CCDC12: variants seen among roughly 807,000 people sequenced by gnomAD.
CCDC12 encodes coiled-coil domain containing 12.
CCDC12 carries 28 observed loss-of-function variants against 25.7 expected under a neutral mutation model. The ratio of observed to expected loss-of-function variants is 1.09; its 90% confidence interval spans 0.81 to 1.50. The LOEUF (loss-of-function observed/expected upper bound fraction) is 1.50, where lower values mean the gene tolerates loss of function less well. Among genes scored for constraint, CCDC12 ranks in the 40% most tolerant of loss-of-function variants. The probability of loss-of-function intolerance (pLI) is 0.00; values close to 1 mark genes in which losing one functional copy is unlikely to be tolerated. For missense variants in CCDC12, 198 were observed against 210.0 expected, an observed-to-expected ratio of 0.94 and a Z score of 0.35; for synonymous variants, 75 against 87.7, an observed-to-expected ratio of 0.86 and a Z score of 0.81.
In CCDC12 at chr3:46,957,982, CACACACACACACACAT is replaced by C. The variant is rs1408800378; in HGVS notation, c.97-16933_97-16918del. Among the ~76,000 whole-genome samples, 6 of 142,746 alleles carry C rather than the reference CACACACACACACACAT, an allele frequency of 4.2e-5. 1 individual carries two copies. Among genetic ancestry groups the C allele is most frequent in the African/African-American group, 1.6e-4 (6 of 38,488 alleles). The allele number at this position is 142,746 out of a possible 152,430, so 93.6% of individuals were successfully genotyped here. A position where few individuals can be genotyped will look rare whatever the true frequency, so the allele number is the denominator to read the frequency against. The stretch of plus-strand genomic sequence containing the variant: ...AAATACACACACACACACACACACA[CACACACACACACACAT>C]ATATATGTAAAGCTAATAGAACCAG... On this transcript the variant is annotated intron_variant, in intron 1 of 6. Coordinates refer to ENST00000683445, the MANE Select transcript of CCDC12 (RefSeq NM_001277074.2).
intron 1 of CCDC12, chr3:46,976,328 C>T (rs2034987562): frequency 7.8e-7 from 1 of 1,281,956 alleles, no homozygotes; most frequent in Admixed American, 3.6e-5. Flanking sequence ...AGCATCTGAA[C>T]CTACAGGCAG....
chr3:46,965,689 G>C (rs532777419), intron 1 of CCDC12, among the ~76,000 whole-genome samples: 3 of 152,186 alleles, frequency 2.0e-5, no homozygotes, highest in African/African-American at 2.4e-5. Flanking sequence ...AACTTGGCCA[G>C]GAGGCGGTGG....
intron 1 of CCDC12, among the ~76,000 whole-genome samples, chr3:46,966,979 C>A (rs191691908): frequency 6.6e-6 from 1 of 152,112 alleles, no homozygotes; most frequent in African/African-American, 2.4e-5. Context: ...ACCTGCAGAG[C>A]GAGCCTCAGG....
At chr3:46,941,272 A>G (rs4682843) in intron 1 of CCDC12, among the ~76,000 whole-genome samples, 144,173 of 152,268 alleles carry the variant, frequency 0.95, 68,802 homozygotes, top group East Asian at 1. Flanking sequence ...TTAAAAATCC[A>G]TAACTCTTGG....
intron 1 of CCDC12, among the ~76,000 whole-genome samples, chr3:46,957,575 T>A (rs2034329373): frequency 2.6e-5 from 4 of 152,168 alleles, no homozygotes; most frequent in Admixed American, 2.0e-4. Flanking sequence ...AACAACGAAG[T>A]GTGTGGCAGG....
intron 1 of CCDC12, among the ~76,000 whole-genome samples, chr3:46,943,051 A>C (rs2033771460): frequency 6.6e-6 from 1 of 152,186 alleles, no homozygotes; most frequent in African/African-American, 2.4e-5. Context: ...TTCTTAAGCA[A>C]TGGAGAAACC....
intron 2 of CCDC12, among the ~76,000 whole-genome samples, chr3:46,930,056 A>AG (rs2033145277): frequency 6.6e-6 from 1 of 150,862 alleles, no homozygotes; most frequent in Non-Finnish European, 1.5e-5. Context: ...AAAAAAAAAA[A>AG]AGAGATGGGG....
Position 46,976,683 on chromosome 3 carries a change from C to T in CCDC12, c.50G>A (p.Arg17Gln). Residue 17 changes from arginine (R) to glutamine (Q), a missense_variant, in exon 1 of 7, where the codon CGG becomes CAG. Arg to Gln is a conservative substitution (Grantham distance 43). Transcript: ENST00000683445. ...TAGGGCCTTCAGCCGTTCCTTTCGC[C>T]GCAACGCCTCTTCCTCTAGCCGGCC... ...GVGRLEEEAL[R>Q]RKERLKALRE... The T allele has an allele frequency of 1.2e-6, 2 of 1,609,142 alleles. No homozygotes were observed. The highest frequency in any genetic ancestry group is 2.7e-5 in the African/African-American group (2 of 74,890).
chr3:46,925,097 C>G (rs2107102941), intron 3 of CCDC12: 1 of 412,186 alleles, frequency 2.4e-6, no homozygotes, highest in Non-Finnish European at 4.8e-6. Flanking sequence ...CCAGGGCCCA[C>G]AGGACCCATC....
At chr3:46,979,831 G>A (rs1402802131), upstream of CCDC12, 3 of 418,846 alleles carry the variant, frequency 7.2e-6, no homozygotes, top group Non-Finnish European at 1.3e-5. Context: ...GCGACAGGTG[G>A]CGCGCAGCAG....
intron 1 of CCDC12, among the ~76,000 whole-genome samples, chr3:46,943,878 A>G (rs1437896490): frequency 6.6e-6 from 1 of 152,254 alleles, no homozygotes; most frequent in Non-Finnish European, 1.5e-5. Context: ...CTGTGGCAGG[A>G]GCAGGTGAAC....
At chr3:46,942,980 T>C (rs11920146) in intron 1 of CCDC12, among the ~76,000 whole-genome samples, 13 of 151,634 alleles carry the variant, frequency 8.6e-5, no homozygotes, top group African/African-American at 3.2e-4. Flanking sequence ...GGGGTGACAA[T>C]GATTGCCAGG....
At chr3:46,971,419 T>C (rs2034798525) in intron 1 of CCDC12, among the ~76,000 whole-genome samples, 1 of 152,236 alleles carries the variant, frequency 6.6e-6, no homozygotes, top group African/African-American at 2.4e-5. Flanking sequence ...CTCCTCAGCC[T>C]TGGACATCCC....
upstream of CCDC12, among the ~76,000 whole-genome samples, chr3:46,977,493 A>G (rs955534975): frequency 9.6e-6 from 1 of 104,274 alleles, no homozygotes; most frequent in Non-Finnish European, 2.1e-5. Flanking sequence ...AAAAAAAAAA[A>G]AAGCCTTCCC....
At position 46,925,265 on chromosome 3, in the gene CCDC12, T is replaced by C. The variant is rs867325354; in HGVS notation, c.244+191A>G. On this transcript the variant is annotated intron_variant, in intron 3 of 6. Coordinates refer to ENST00000683445, the MANE Select transcript of CCDC12 (RefSeq NM_001277074.2). ...GAGAAGGCACAAGAGGACTCTTCAG[T>C]GCCCCGACAGCCTCTGCTGCTGCCG... is the stretch of plus-strand genomic sequence containing the variant. The C allele has an allele frequency of 3.7e-5, 26 of 705,858 alleles. 2 individuals are homozygous for C. In the Middle Eastern group the frequency reaches 5.7e-3, roughly 156 times the overall value. 43.7% of individuals were successfully genotyped at this position (705,858 alleles called of 1,614,324 possible).
intron 1 of CCDC12, among the ~76,000 whole-genome samples, chr3:46,949,775 T>G (rs1425844192): frequency 6.6e-6 from 1 of 152,070 alleles, no homozygotes; most frequent in Non-Finnish European, 1.5e-5. Context: ...ACGCCTGTAA[T>G]CCCAGCACTT....
intron 1 of CCDC12, among the ~76,000 whole-genome samples, chr3:46,972,509 T>A (rs535925437): frequency 6.6e-6 from 1 of 151,720 alleles, no homozygotes; most frequent in Non-Finnish European, 1.5e-5. Context: ...TCAAAGAAAA[T>A]ATATATACAA....
At chr3:46,934,177 T>C (rs1324822058) in intron 2 of CCDC12, among the ~76,000 whole-genome samples, 1 of 152,248 alleles carries the variant, frequency 6.6e-6, no homozygotes, top group East Asian at 1.9e-4. Flanking sequence ...GAGAACTGGA[T>C]TGGTCACACT....
upstream of CCDC12, chr3:46,976,927 G>A (rs1359856740): frequency 1.6e-5 from 12 of 772,312 alleles, no homozygotes; most frequent in Admixed American, 4.2e-4. Context: ...TTATTCTTCC[G>A]GACAACTTGC....
Sources: gnomAD v4.1 joint callset for allele counts (sites outside exome capture counted in the v4.1 genomes callset) on GRCh38, gnomAD v4.1.1 for gene constraint, MANE v1.5 for transcripts, NCBI Gene and HGNC (gene_info 2026-07-23, HGNC 2026-07-21) for gene names.